Variants in NT5C1A observed in about 807,000 individuals in gnomAD.
NT5C1A encodes cytosolic 5'-nucleotidase 1A.
Under a neutral mutation model 31.0 loss-of-function variants are expected in NT5C1A, and 18 were observed. The observed-to-expected ratio is 0.58, with a 90% confidence interval of 0.40 to 0.86. NT5C1A has a LOEUF of 0.86. Among genes scored for constraint, NT5C1A ranks in the 40% least tolerant of loss-of-function variants. The probability of loss-of-function intolerance (pLI) is 0.00; values close to 1 mark genes in which losing one functional copy is unlikely to be tolerated. For synonymous variants in NT5C1A, 185 were observed against 203.6 expected (o/e 0.91, Z 0.78); for missense variants, 470 against 505.4 (o/e 0.93, Z 0.67).
chr1:39,663,348 C>T lies in NT5C1A; in HGVS notation c.520G>A (p.Ala174Thr). ...GCTTCTCGCACTTTTTCCGCATCGG[C>T]TGACAAGTAGAGGTTGGTGTGATAG... ...KAYHTNLYLS[A>T]DAEKVREAID... The change falls in exon 4 of 6, where the codon GCC becomes ACC. Residue 174 changes from alanine to threonine, a missense_variant. Ala to Thr is a moderately conservative substitution (Grantham distance 58, BLOSUM62 0). Transcript: ENST00000235628. The T allele has an allele frequency of 6.2e-7, 1 of 1,614,152 alleles. No individual in the cohort carries two copies. The highest frequency in any genetic ancestry group is 8.5e-7 in the Non-Finnish European group (1 of 1,180,030).
Position 39,655,050 on chromosome 1 carries a change from T to G in NT5C1A, c.*4071A>C, listed in dbSNP as rs1251169224. The stretch of plus-strand genomic sequence containing the variant: ...TCCGCCTTCCGGGTTCAAGTGATCC[T>G]CCTGCCTCAGCCTCCCGAGTAGCTG... On this transcript the variant is annotated 3_prime_UTR_variant, in exon 6 of 6. Transcript: ENST00000235628. 1.3e-5 allele frequency among the ~76,000 whole-genome samples: 2 copies of G among 152,172 alleles called. No individual in the cohort carries two copies. Among genetic ancestry groups the G allele is most frequent in the Non-Finnish European group, 2.9e-5 (2 of 68,022 alleles).
rs1557746568 is a variant in NT5C1A at position 39,665,588 on chromosome 1, G to A, written c.366C>T (p.Asp122=). 6.2e-7 allele frequency: 1 copy of A among 1,613,124 alleles called. No homozygotes were observed. ...CATGGTTGTTAGTCATGAGGACGAT[G>A]TCGAAGACGTCCTCACTATCAGGGT... ...ELYPDSEDVF[D]IVLMTNNHAQ... is the part of the protein sequence containing the mutation. Residue 122 remains aspartate (D), a synonymous_variant, in exon 3 of 6, where the codon GAC becomes GAT. Coordinates refer to ENST00000235628, the MANE Select transcript of NT5C1A (RefSeq NM_032526.3).
At chr1:39,665,980 C>G in intron 2 of NT5C1A, 89 bp downstream of exon 2, 1 of 1,293,342 alleles carries the variant, frequency 7.7e-7, no homozygotes, top group Non-Finnish European at 1.1e-6. Context: ...CAGAGGGGCC[C>G]TTTCACCTTA....
Position 39,658,194 on chromosome 1 carries a change from C to T in NT5C1A, c.*927G>A, listed in dbSNP as rs149650120. 7.8e-4 allele frequency among the ~76,000 whole-genome samples: 119 copies of T among 152,278 alleles called. No individual in the cohort carries two copies. The highest frequency in any genetic ancestry group is 2.6e-3 in the African/African-American group (107 of 41,544). On this transcript the variant is annotated 3_prime_UTR_variant, in exon 6 of 6. Transcript: ENST00000235628. ...TGAGCAGGCAGCTACTAATGCTTCT[C>T]CCGGGAAGAGCCTGCAGTGCCCCCT...
rs1392002753 is a variant in NT5C1A, at chr1:39,656,752, GC to G, written c.*2368del. On this transcript the variant is annotated 3_prime_UTR_variant, in exon 6 of 6. Transcript: ENST00000235628. The stretch of plus-strand genomic sequence containing the variant: ...GCCTGTTGCCATGCTGTGAGCCTGG[GC>G]TGTGCCCGGCCTTGTAGGCTTCTTG... 6.6e-6 allele frequency among the ~76,000 whole-genome samples: 1 copy of G among 152,260 alleles called. No individual in the cohort carries two copies. The highest frequency in any genetic ancestry group is 2.4e-5 in the African/African-American group (1 of 41,470).
At chr1:39,670,872 C>A (rs1361399579) in intron 1 of NT5C1A, among the ~76,000 whole-genome samples, 1 of 152,068 alleles carries the variant, frequency 6.6e-6, no homozygotes, top group African/African-American at 2.4e-5. Flanking sequence ...ACTCTACTCC[C>A]CCCCCAACTC....
chr1:39,659,173 G>A lies in NT5C1A; in HGVS notation c.1055C>T (p.Ala352Val). Residue 352 changes from alanine to valine, a missense_variant, in exon 6 of 6, where the codon GCA becomes GTA. Ala to Val is a moderately conservative substitution (Grantham distance 64, BLOSUM62 0). Coordinates refer to ENST00000235628, the MANE Select transcript of NT5C1A (RefSeq NM_032526.3). Reference sequence around the variant, plus strand: ...AGGTGCAGTCCGCCGGGGTGTCTGTGCCACACCATAAGGCACATGGGCGGC... The same window carrying A: ...AGGTGCAGTCCGCCGGGGTGTCTGTACCACACCATAAGGCACATGGGCGGC... Reference protein sequence around the residue: ...TVAAHVPYGVAQTPRRTAPAK... With the variant: ...TVAAHVPYGVVQTPRRTAPAK... 2 of 1,613,692 alleles carry A rather than the reference G, an allele frequency of 1.2e-6. No individual in the cohort carries two copies. Among genetic ancestry groups the A allele is most frequent in the Middle Eastern group, 1.7e-4 (1 of 5,964 alleles).
At position 39,659,489 on chromosome 1, in the gene NT5C1A, A is replaced by G. The variant is rs775470844; in HGVS notation, c.742-3T>C. On this transcript the variant is annotated splice_region_variant and splice_polypyrimidine_tract_variant and intron_variant, in intron 5 of 5. Transcript: ENST00000235628. ...TCCAGAAAGCCCTTTAAGGGGCCCT[A>G]TGAGAAGGCAAGGGGAACATTGTTA... 8 of 1,554,336 alleles carry G rather than the reference A, an allele frequency of 5.1e-6. No individual in the cohort carries two copies. Among genetic ancestry groups the G allele is most frequent in the South Asian group, 2.4e-5 (2 of 82,072 alleles).
chr1:39,669,167 C>T lies in NT5C1A; in HGVS notation c.135+2737G>A, dbSNP rs148460160. 4.7e-3 allele frequency among the ~76,000 whole-genome samples: 723 copies of T among 152,260 alleles called. 7 individuals carry two copies. The highest frequency in any genetic ancestry group is 0.017 in the African/African-American group (698 of 41,528). On this transcript the variant is annotated intron_variant, in intron 1 of 5. Coordinates refer to ENST00000235628, the MANE Select transcript of NT5C1A (RefSeq NM_032526.3). ...CTCTGAGCTCCAGGAAACCAGGGTGCTGGCAGCTCTCTCTGCCTTTCAGGG... is the reference window on the plus strand; with the variant it reads ...CTCTGAGCTCCAGGAAACCAGGGTGTTGGCAGCTCTCTCTGCCTTTCAGGG...
In NT5C1A at chr1:39,665,668, C is replaced by A. The variant is rs1009987040; in HGVS notation, c.304-18G>T. The A allele has an allele frequency of 3.9e-5, 62 of 1,609,218 alleles. No homozygotes were observed. The highest frequency in any genetic ancestry group is 5.2e-5 in the Non-Finnish European group (61 of 1,177,846). On this transcript the variant is annotated intron_variant, in intron 2 of 5. Coordinates refer to ENST00000235628, the MANE Select transcript of NT5C1A (RefSeq NM_032526.3). Reference sequence around the variant, plus strand: ...TCCAGAGCCTGGAAAGGAGAGGGCACCCCCCAGCTTAGACCCCCAAGGATT... The same window carrying A: ...TCCAGAGCCTGGAAAGGAGAGGGCAACCCCCAGCTTAGACCCCCAAGGATT...
rs1023851131 is a variant in NT5C1A at position 39,657,993 on chromosome 1, A to G, written c.*1128T>C. Among the ~76,000 whole-genome samples the G allele has an allele frequency of 1.3e-5, 2 of 152,248 alleles. No homozygotes were observed. The highest frequency in any genetic ancestry group is 3.9e-4 in the East Asian group (2 of 5,184). On this transcript the variant is annotated 3_prime_UTR_variant, in exon 6 of 6. Transcript: ENST00000235628. The stretch of plus-strand genomic sequence containing the variant: ...GACAACCGCCTACCTCAGCCACTGC[A>G]CTTTCTTCCCCTAGAATTGAGGCCA...
At chr1:39,661,346 A>C (rs1570457572) in intron 4 of NT5C1A, 83 bp from the exon 5 acceptor site, 2 of 672,600 alleles carry the variant, frequency 3.0e-6, no homozygotes, top group South Asian at 1.9e-5. Context: ...TCCTTGCCCC[A>C]CCTGCCTCAT....
rs1646462174 is a variant in NT5C1A, at chr1:39,657,041, G to A, written c.*2080C>T. Among the ~76,000 whole-genome samples the A allele has an allele frequency of 6.6e-6, 1 of 152,206 alleles. No individual in the cohort carries two copies. Among genetic ancestry groups the A allele is most frequent in the African/African-American group, 2.4e-5 (1 of 41,446 alleles). On this transcript the variant is annotated 3_prime_UTR_variant, in exon 6 of 6. Transcript: ENST00000235628. The stretch of plus-strand genomic sequence containing the variant: ...TCTGTTAGCCAGAAGGATCCTGGCT[G>A]TGCAGTGGAAATGACCTCGTGCAAA...
In NT5C1A at chr1:39,655,766, T is replaced by C. The variant is rs1020787319; in HGVS notation, c.*3355A>G. Among the ~76,000 whole-genome samples the C allele has an allele frequency of 2.0e-5, 3 of 150,258 alleles. No homozygotes were observed. Among genetic ancestry groups the C allele is most frequent in the South Asian group, 4.5e-4 (2 of 4,460 alleles). ...CCGCTGCAGCCTCCTAGAGGCTGCA[T>C]TGTGGGAAAATGGAGCGCTCACAGT... On this transcript the variant is annotated 3_prime_UTR_variant, in exon 6 of 6. Transcript: ENST00000235628.
intron 5 of NT5C1A, among the ~76,000 whole-genome samples, 179 bp downstream of exon 5, chr1:39,660,900 C>T (rs1168529879): frequency 6.6e-6 from 1 of 151,870 alleles, no homozygotes; most frequent in Non-Finnish European, 1.5e-5. Context: ...GTGGGCTCAA[C>T]AAAGCAGGTG....
Position 39,658,985 on chromosome 1 carries a change from A to G in NT5C1A, c.*136T>C, listed in dbSNP as rs142006422. On this transcript the variant is annotated 3_prime_UTR_variant, in exon 6 of 6. Coordinates refer to ENST00000235628, the MANE Select transcript of NT5C1A (RefSeq NM_032526.3). ...AGACCCGTCTGCATAATTTCCTACA[A>G]GTACATCACTCATAGGGATGAGGGC... is the stretch of plus-strand genomic sequence containing the variant. The G allele has an allele frequency of 3.2e-4, 390 of 1,233,030 alleles. 1 individual carries two copies. In the African/African-American group the frequency reaches 5.1e-3, roughly 16 times the overall value. 76.4% of individuals were successfully genotyped at this position (1,233,030 alleles called of 1,614,324 possible). A position where few individuals can be genotyped will look rare whatever the true frequency, so the allele number is the denominator to read the frequency against.
Position 39,668,933 on chromosome 1 carries a change from C to T in NT5C1A, c.136-2697G>A, listed in dbSNP as rs190974421. On this transcript the variant is annotated intron_variant, in intron 1 of 5. Coordinates refer to ENST00000235628, the MANE Select transcript of NT5C1A (RefSeq NM_032526.3). ...AGCTGGGACTGATGAATGACCTGTCCAGGCTCCAGGTGGAGCTGAAGGAGC... is the reference window on the plus strand; with the variant it reads ...AGCTGGGACTGATGAATGACCTGTCTAGGCTCCAGGTGGAGCTGAAGGAGC... Among the ~76,000 whole-genome samples, 412 of 152,316 alleles carry T rather than the reference C, an allele frequency of 2.7e-3. 1 individual carries two copies. Among genetic ancestry groups the T allele is most frequent in the African/African-American group, 9.7e-3 (403 of 41,572 alleles).
rs1646451952 is a variant in NT5C1A at position 39,654,883 on chromosome 1, A to G, written c.*4238T>C. Among the ~76,000 whole-genome samples the G allele has an allele frequency of 6.6e-6, 1 of 152,238 alleles. No individual in the cohort carries two copies. The highest frequency in any genetic ancestry group is 6.5e-5 in the Admixed American group (1 of 15,284). ...TTCAACTCTGCTGTTGCAGTGTGAA[A>G]TCAGCCATAAACATATGTAAACAAA... On this transcript the variant is annotated 3_prime_UTR_variant, in exon 6 of 6. Coordinates refer to ENST00000235628, the MANE Select transcript of NT5C1A (RefSeq NM_032526.3).
intron 1 of NT5C1A, among the ~76,000 whole-genome samples, chr1:39,671,615 C>T (rs1426036222): frequency 6.6e-6 from 1 of 152,192 alleles, no homozygotes; most frequent in East Asian, 1.9e-4. Context: ...TCCGCGCTCC[C>T]CGGCGGCCCG....
Sources: allele counts gnomAD v4.1 joint callset (sites outside exome capture counted in the v4.1 genomes callset), GRCh38; gene constraint gnomAD v4.1.1; transcripts MANE v1.5; gene names NCBI Gene and HGNC (gene_info 2026-07-23, HGNC 2026-07-21).